HSPA4: variants seen among roughly 807,000 people sequenced by gnomAD.
The protein encoded by HSPA4 is heat shock 70 kDa protein 4.
A neutral mutation model predicts 106.2 loss-of-function variants in HSPA4; 25 were observed. The observed-to-expected ratio is 0.24, with a 90% CI of 0.17 to 0.33. HSPA4 has a LOEUF of 0.33. Among genes scored for constraint, HSPA4 ranks in the 10% least tolerant of loss-of-function variants. HSPA4 has a pLI of 1.00. For synonymous variants in HSPA4, 332 were observed against 333.6 expected (o/e 1.00, Z 0.05); for missense variants, 841 against 996.0 (o/e 0.84, Z 2.10).
chr5:133,060,153 G>A (rs1765221228), intron 1 of HSPA4, among the ~76,000 whole-genome samples: 1 of 151,430 alleles, frequency 6.6e-6, no homozygotes, highest in Non-Finnish European at 1.5e-5. Context: ...TGTGGTGGGG[G>A]GAGGGTTGTG....
intron 17 of HSPA4, among the ~76,000 whole-genome samples, chr5:133,102,404 AGT>A (rs918187629): frequency 2.0e-5 from 3 of 152,332 alleles, no homozygotes; most frequent in African/African-American, 7.2e-5. Flanking sequence ...GGAATTGAAC[AGT>A]GTTGTTCAGT....
intron 6 of HSPA4, among the ~76,000 whole-genome samples, chr5:133,075,599 TG>T (rs1360112870): frequency 2.0e-5 from 3 of 151,964 alleles, no homozygotes; most frequent in African/African-American, 7.3e-5. Flanking sequence ...GAGGCTGAGG[TG>T]GGGGGATTGC....
Position 133,103,862 on chromosome 5 carries a change from C to T in HSPA4, c.2158-3C>T, listed in dbSNP as rs376499984. On this transcript the variant is annotated splice_polypyrimidine_tract_variant and splice_region_variant and intron_variant, in intron 17 of 18. Transcript: ENST00000304858. ...CACTTGTTTGACTGTCTCCTGGTTG[C>T]AGGAGGACCAGTATGATCATTTGGA... The T allele has an allele frequency of 3.2e-5, 51 of 1,611,300 alleles. No individual in the cohort carries two copies. The highest frequency in any genetic ancestry group is 4.2e-5 in the Non-Finnish European group (49 of 1,178,924).
chr5:133,099,211 C>T (rs759009898), intron 15 of HSPA4, among the ~76,000 whole-genome samples: 15 of 152,128 alleles, frequency 9.9e-5, no homozygotes, highest in Admixed American at 3.9e-4. Context: ...GTCACTGCAA[C>T]CTCCGCCTCC....
At chr5:133,065,177 C>T in intron 2 of HSPA4, 140 bp downstream of exon 2, 1 of 644,476 alleles carries the variant, frequency 1.6e-6, no homozygotes. Flanking sequence ...CTTCTCTGTT[C>T]CCATGTACAG....
chr5:133,078,108 G>A (rs539566549), intron 7 of HSPA4, among the ~76,000 whole-genome samples: 64 of 151,466 alleles, frequency 4.2e-4, no homozygotes, highest in South Asian at 1.5e-3. Context: ...AGAGGCAGGC[G>A]GATCACGAGG....
chr5:133,069,945 C>G (rs62375215), intron 3 of HSPA4, among the ~76,000 whole-genome samples: 39,616 of 151,702 alleles, frequency 0.26, 5,409 homozygotes, highest in African/African-American at 0.31. Flanking sequence ...CAGGAGGATT[C>G]CTTGAAGCCA....
chr5:133,086,979 T>C, intron 8 of HSPA4, 121 bp downstream of exon 8: 1 of 675,496 alleles, frequency 1.5e-6, no homozygotes, highest in East Asian at 2.8e-5. Context: ...TTCAGTGGTA[T>C]ATATTAAACT....
Position 133,052,485 on chromosome 5 carries a change from GGTCAGGGA to G in HSPA4, c.107+129_107+136del, listed in dbSNP as rs1283652784. 4 of 633,188 alleles carry G rather than the reference GGTCAGGGA, an allele frequency of 6.3e-6. No homozygotes were observed. The African/African-American group carries it at 7.5e-5, about 12-fold the overall frequency. 39.2% of individuals were successfully genotyped at this position (633,188 alleles called of 1,614,324 possible). A position where few individuals can be genotyped will look rare whatever the true frequency, so the allele number is the denominator to read the frequency against. On this transcript the variant is annotated intron_variant, in intron 1 of 18. Coordinates refer to ENST00000304858, the MANE Select transcript of HSPA4 (RefSeq NM_002154.4). ...TCCGTTCCGAGCCGAGGTCCCGGTA[GGTCAGGGA>G]CCCCCAGTAGGTATTAGGACACTAG...
chr5:133,092,806 G>GGTT lies in HSPA4; in HGVS notation c.1650+17_1650+18insGTT, dbSNP rs1765662473. On this transcript the variant is annotated intron_variant, in intron 13 of 18. Coordinates refer to ENST00000304858, the MANE Select transcript of HSPA4 (RefSeq NM_002154.4). ...GAAATGGAGGTATGCATTGGGTGGTGTTTTTTTTTTTTTTTTTTTTTTTTT... is the reference window on the plus strand; with the variant it reads ...GAAATGGAGGTATGCATTGGGTGGTGGTTTTTTTTTTTTTTTTTTTTTTTTTTT... 3.2e-5 allele frequency: 15 copies of GGTT among 474,012 alleles called. No individual in the cohort carries two copies. In the East Asian group the frequency reaches 9.2e-4, roughly 29 times the overall value. 29.4% of individuals were successfully genotyped at this position (474,012 alleles called of 1,614,324 possible).
rs986175679 is a variant in HSPA4 at position 133,105,310 on chromosome 5, C to T, written c.*874C>T. 3 of 152,064 alleles carry T rather than the reference C, an allele frequency of 2.0e-5. No homozygotes were observed. Among genetic ancestry groups the T allele is most frequent in the African/African-American group, 7.2e-5 (3 of 41,430 alleles). The allele number at this position is 152,064 out of a possible 1,614,324, so 9.4% of individuals were successfully genotyped here. Reference sequence around the variant, plus strand: ...ATAATTTTGAGGTATAGCTTGAACTCCTAGAACAAGAGTTAAAAGTTCTTT... The same window carrying T: ...ATAATTTTGAGGTATAGCTTGAACTTCTAGAACAAGAGTTAAAAGTTCTTT... On this transcript the variant is annotated 3_prime_UTR_variant, in exon 19 of 19. Coordinates refer to ENST00000304858, the MANE Select transcript of HSPA4 (RefSeq NM_002154.4).
intron 7 of HSPA4, among the ~76,000 whole-genome samples, chr5:133,083,562 A>T (rs1487927444): frequency 6.6e-6 from 1 of 151,680 alleles, no homozygotes; most frequent in Non-Finnish European, 1.5e-5. Context: ...TTTGAGATGG[A>T]GTTTTGCTCT....
rs199801363 is a variant in HSPA4 at position 133,101,718 on chromosome 5, C to T, written c.2038-41C>T. On this transcript the variant is annotated intron_variant, in intron 16 of 18. Coordinates refer to ENST00000304858, the MANE Select transcript of HSPA4 (RefSeq NM_002154.4). ...TTTTAGTGGAATCAGTACTCTGGAT[C>T]GTTGAACTGCCGTATGAAGACTGTG... 7.4e-5 allele frequency: 118 copies of T among 1,586,920 alleles called. 2 individuals carry two copies. In the South Asian group the frequency reaches 1.1e-3, roughly 15 times the overall value.
chr5:133,103,827 A>C (rs1366560066), intron 17 of HSPA4, 38 bp from the exon 18 acceptor site: 1 of 1,576,552 alleles, frequency 6.3e-7, no homozygotes, highest in Non-Finnish European at 8.6e-7. Flanking sequence ...GGAGGGTATC[A>C]CACTTTTAGC....
At chr5:133,062,564 G>A (rs1054726194) in intron 1 of HSPA4, among the ~76,000 whole-genome samples, 33 of 152,106 alleles carry the variant, frequency 2.2e-4, no homozygotes, top group African/African-American at 7.5e-4. Context: ...TGGTAGTGAG[G>A]ATTTTTTTTT....
At position 133,096,228 on chromosome 5, in the gene HSPA4, T is replaced by C; in HGVS notation, c.1781T>C (p.Leu594Pro). 2.5e-6 allele frequency: 4 copies of C among 1,613,738 alleles called. No homozygotes were observed. The highest frequency in any genetic ancestry group is 3.4e-6 in the Non-Finnish European group (4 of 1,179,772). ...QLLWQIDREM[L>P]NLYIENEGKM... ...TTATGGCAGATAGACAGAGAGATGC[T>C]CAACTTGTACATTGAAAATGAGGTT... The change falls in exon 14 of 19, where the codon CTC (leucine) becomes CCC (proline). Residue 594 changes from leucine (L) to proline (P), a missense_variant. Around this residue, in one of 5 missense-constraint regions of HSPA4, gnomAD observed 328 missense variants for 372.2 expected, o/e 0.88. Coordinates refer to ENST00000304858, the MANE Select transcript of HSPA4 (RefSeq NM_002154.4).
intron 17 of HSPA4, 136 bp downstream of exon 17, chr5:133,102,014 C>T (rs1765792198): frequency 7.2e-6 from 4 of 558,796 alleles, no homozygotes; most frequent in South Asian, 2.4e-5. Flanking sequence ...GCAACCTCCA[C>T]CTCCTGGGTT....
intron 14 of HSPA4, among the ~76,000 whole-genome samples, 195 bp downstream of exon 14, chr5:133,096,445 T>G (rs1005803656): frequency 6.6e-6 from 1 of 152,230 alleles, no homozygotes. Context: ...ATGGTGGTAC[T>G]AAGATGTCTG....
chr5:133,078,444 A>G (rs905160345), intron 7 of HSPA4, among the ~76,000 whole-genome samples: 13 of 151,684 alleles, frequency 8.6e-5, no homozygotes, highest in Non-Finnish European at 1.6e-4. Flanking sequence ...AGACCAGCCT[A>G]GCCAACGAGG....
Sources: allele counts gnomAD v4.1 joint callset (sites outside exome capture counted in the v4.1 genomes callset), GRCh38; gene constraint gnomAD v4.1.1; regional missense constraint gnomAD v4.1.1; transcripts MANE v1.5; gene names NCBI Gene and HGNC (gene_info 2026-07-23, HGNC 2026-07-21).